TTC17: variants seen among roughly 807,000 people sequenced by gnomAD.
TTC17 encodes the protein tetratricopeptide repeat domain 17.
In TTC17, 58 loss-of-function variants were observed where a neutral mutation model predicts 143.8. The observed-to-expected ratio is 0.40, with a 90% CI of 0.33 to 0.50. The LOEUF is 0.50. Among genes scored for constraint, TTC17 ranks in the 20% least tolerant of loss-of-function variants. TTC17 has a pLI of 0.49. For synonymous variants in TTC17, 501 were observed against 497.8 expected, an observed-to-expected ratio of 1.01 and a Z score of -0.09; for missense variants, 1,273 against 1,392.5, an observed-to-expected ratio of 0.91 and a Z score of 1.37.
intron 1 of TTC17, among the ~76,000 whole-genome samples, chr11:43,365,870 T>C (rs1274931667): frequency 6.6e-6 from 1 of 152,204 alleles, no homozygotes; most frequent in East Asian, 1.9e-4. Flanking sequence ...CAGCTTCTGT[T>C]CCAGTTTTTT....
intron 2 of TTC17, among the ~76,000 whole-genome samples, chr11:43,381,713 A>C (rs1484103182): frequency 6.6e-6 from 1 of 152,170 alleles, no homozygotes; most frequent in Non-Finnish European, 1.5e-5. Context: ...TCTGATTCTG[A>C]GCTTGGTAAC....
intron 1 of TTC17, among the ~76,000 whole-genome samples, chr11:43,373,237 C>T (rs761050280): frequency 2.0e-5 from 3 of 151,934 alleles, no homozygotes; most frequent in Non-Finnish European, 4.4e-5. Context: ...GCTGATTTTG[C>T]CATGAACAAC....
intron 21 of TTC17, among the ~76,000 whole-genome samples, chr11:43,474,341 A>T (rs1564980025): frequency 6.6e-6 from 1 of 152,248 alleles, no homozygotes; most frequent in African/African-American, 2.4e-5. Context: ...GAGTGGATAT[A>T]TGTAGAGAAA....
rs1167636202 is a variant in TTC17, at chr11:43,450,216, A to G, written c.2921A>G (p.Tyr974Cys). Reference sequence around the variant, plus strand: ...GTTTCCAACCGAGCCAGCCTGCACTACACAGGGGAGAGTCAGTTAACAGAG... The same window carrying G: ...GTTTCCAACCGAGCCAGCCTGCACTGCACAGGGGAGAGTCAGTTAACAGAG... ...HGVSNRASLH[Y>C]TGESQLTEVL... Residue 974 changes from tyrosine to cysteine, a missense_variant, in exon 20 of 24, where the codon TAC becomes TGC. By Grantham distance (194) the Tyr-to-Cys change is radical (BLOSUM62 -2). Coordinates refer to ENST00000039989, the MANE Select transcript of TTC17 (RefSeq NM_018259.6). 4 of 1,613,932 alleles carry G rather than the reference A, an allele frequency of 2.5e-6. No individual in the cohort carries two copies. The Admixed American group carries it at 6.7e-5, about 27-fold the overall frequency.
rs192009067 is a variant in TTC17, at chr11:43,473,896, A to G, written c.3031-16343A>G. 3.9e-3 allele frequency among the ~76,000 whole-genome samples: 591 copies of G among 151,740 alleles called. 1 individual carries two copies. Among genetic ancestry groups the G allele is most frequent in the Non-Finnish European group, 6.8e-3 (465 of 67,918 alleles). ...AGACTCTGTCTCAAAAAAAAAAAAA[A>G]AAAGAAAGAAAGAAATGGATGACCT... On this transcript the variant is annotated intron_variant, in intron 21 of 23. Coordinates refer to ENST00000039989, the MANE Select transcript of TTC17 (RefSeq NM_018259.6).
At chr11:43,450,413 A>G (rs1427367014) in intron 20 of TTC17, among the ~76,000 whole-genome samples, 172 bp downstream of exon 20, 1 of 152,144 alleles carries the variant, frequency 6.6e-6, no homozygotes, top group African/African-American at 2.4e-5. Context: ...AGGCCCTGGG[A>G]CTGAGCTTAT....
chr11:43,463,234 G>A (rs1053172761), intron 21 of TTC17, among the ~76,000 whole-genome samples: 1 of 151,810 alleles, frequency 6.6e-6, no homozygotes, highest in African/African-American at 2.4e-5. Context: ...TCTTTTACAT[G>A]CACAAGGAAG....
intron 16 of TTC17, among the ~76,000 whole-genome samples, chr11:43,427,446 C>G (rs1947055104): frequency 6.6e-6 from 1 of 152,138 alleles, no homozygotes; most frequent in South Asian, 2.1e-4. Context: ...GGAAATTGTA[C>G]CAAATCTTGG....
At chr11:43,383,578 G>A (rs968918266) in intron 2 of TTC17, among the ~76,000 whole-genome samples, 4 of 150,008 alleles carry the variant, frequency 2.7e-5, no homozygotes, top group Admixed American at 2.0e-4. Context: ...TGACCAGGCT[G>A]GCCTTAAACT....
At chr11:43,406,764 TTGAG>T (rs891619444) in intron 13 of TTC17, among the ~76,000 whole-genome samples, 60 of 152,156 alleles carry the variant, frequency 3.9e-4, no homozygotes, top group African/African-American at 1.4e-3. Flanking sequence ...AGTAGAATAA[TTGAG>T]TATCTGGTAT....
At chr11:43,484,479 T>C (rs1948345443) in intron 21 of TTC17, among the ~76,000 whole-genome samples, 2 of 152,330 alleles carry the variant, frequency 1.3e-5, no homozygotes, top group African/African-American at 4.8e-5. Flanking sequence ...AATAGATATA[T>C]AATGTTCATG....
intron 21 of TTC17, among the ~76,000 whole-genome samples, chr11:43,456,648 C>T (rs1358075686): frequency 6.6e-6 from 1 of 152,148 alleles, no homozygotes; most frequent in Non-Finnish European, 1.5e-5. Context: ...CCAAAGTGAG[C>T]TGGTGATTGC....
At chr11:43,387,626 G>A (rs1057128981) in intron 2 of TTC17, among the ~76,000 whole-genome samples, 2 of 152,174 alleles carry the variant, frequency 1.3e-5, no homozygotes, top group South Asian at 2.1e-4. Context: ...GACCTAGGCC[G>A]ACAGAGCAGC....
At chr11:43,483,291 C>T (rs1948321831) in intron 21 of TTC17, among the ~76,000 whole-genome samples, 1 of 151,980 alleles carries the variant, frequency 6.6e-6, no homozygotes, top group Admixed American at 6.6e-5. Context: ...AAACAGACTT[C>T]CAGACATTAG....
At chr11:43,455,612 T>C (rs926381006) in intron 21 of TTC17, among the ~76,000 whole-genome samples, 1 of 152,088 alleles carries the variant, frequency 6.6e-6, no homozygotes, top group African/African-American at 2.4e-5. Context: ...TGAAATAATA[T>C]TTTTTAGAAA....
At chr11:43,374,712 A>C (rs1049699852) in intron 1 of TTC17, among the ~76,000 whole-genome samples, 2 of 150,830 alleles carry the variant, frequency 1.3e-5, no homozygotes, top group Admixed American at 1.3e-4. Context: ...ATAAGATACT[A>C]CCTCGCACCA....
At chr11:43,412,360 C>T (rs1858455136) in intron 15 of TTC17, among the ~76,000 whole-genome samples, 1 of 152,076 alleles carries the variant, frequency 6.6e-6, no homozygotes, top group Non-Finnish European at 1.5e-5. Context: ...TGGTGGTATG[C>T]ACCTGTACTC....
chr11:43,420,099 CAT>C (rs1359738249), intron 16 of TTC17, among the ~76,000 whole-genome samples: 33 of 152,244 alleles, frequency 2.2e-4, no homozygotes, highest in African/African-American at 7.9e-4. Flanking sequence ...ATGTATTTAA[CAT>C]GTGATAGAGG....
intron 16 of TTC17, among the ~76,000 whole-genome samples, chr11:43,437,223 G>A (rs1181501158): frequency 6.6e-6 from 1 of 151,586 alleles, no homozygotes; most frequent in African/African-American, 2.4e-5. Flanking sequence ...TCTAATTTCT[G>A]TATTCCTGAT....
Sources: allele counts gnomAD v4.1 joint callset (sites outside exome capture counted in the v4.1 genomes callset), GRCh38; gene constraint gnomAD v4.1.1; transcripts MANE v1.5; gene names NCBI Gene and HGNC (gene_info 2026-07-23, HGNC 2026-07-21).